Variants in FCAR observed in about 807,000 individuals in gnomAD.
FCAR encodes the protein immunoglobulin alpha Fc receptor.
In FCAR, 21 loss-of-function variants were observed where a neutral mutation model predicts 27.1. That is an observed-to-expected ratio of 0.77 (90% confidence interval 0.55 to 1.11). The LOEUF is 1.11. Among genes scored for constraint, FCAR ranks in the 50% most tolerant of loss-of-function variants. The probability of loss-of-function intolerance (pLI) is 0.00; values close to 1 mark genes in which losing one functional copy is unlikely to be tolerated. For synonymous variants in FCAR, 134 were observed against 135.8 expected, an observed-to-expected ratio of 0.99 and a Z score of 0.09; for missense variants, 404 against 358.4, an observed-to-expected ratio of 1.13 and a Z score of -1.03.
chr19:54,877,785 A>C (rs1361519451), intron 2 of FCAR, among the ~76,000 whole-genome samples: 2 of 152,140 alleles, frequency 1.3e-5, no homozygotes, highest in African/African-American at 2.4e-5. Flanking sequence ...AGATTCTGCT[A>C]TATTTACCCA....
chr19:54,889,632 TTGAA>T lies in FCAR; in HGVS notation c.650-15_650-12del, dbSNP rs779948432. ...ACACAACCACCAACCATTCATCTCC[TTGAA>T]TTGTGTCTCCAGACTCCATCCACCA... On this transcript the variant is annotated splice_polypyrimidine_tract_variant and intron_variant, in intron 4 of 4. Transcript: ENST00000355524. 4 of 1,602,108 alleles carry T rather than the reference TTGAA, an allele frequency of 2.5e-6. No homozygotes were observed. The highest frequency in any genetic ancestry group is 1.1e-5 in the South Asian group (1 of 90,852).
intron 3 of FCAR, among the ~76,000 whole-genome samples, chr19:54,887,146 CA>C (rs1453811385): frequency 6.6e-6 from 1 of 151,878 alleles, no homozygotes; most frequent in East Asian, 1.9e-4. Context: ...CCCATCTGTA[CA>C]AAAAATCAAA....
intron 2 of FCAR, among the ~76,000 whole-genome samples, chr19:54,884,627 A>G (rs1056925357): frequency 9.3e-5 from 14 of 151,118 alleles, no homozygotes; most frequent in African/African-American, 3.4e-4. Context: ...CTGTCTCGAA[A>G]AATAATAACA....
At chr19:54,888,580 C>T (rs2066889179) in intron 4 of FCAR, 4 of 1,141,014 alleles carry the variant, frequency 3.5e-6, no homozygotes, top group Non-Finnish European at 4.4e-6. Context: ...TAGAGTCTTG[C>T]TCTTTCGCCA....
intron 2 of FCAR, among the ~76,000 whole-genome samples, chr19:54,878,781 T>A (rs1048295664): frequency 8.6e-5 from 13 of 150,700 alleles, no homozygotes; most frequent in Non-Finnish European, 1.6e-4. Flanking sequence ...TTCCATTTGC[T>A]TGGTAGATTT....
chr19:54,877,937 A>C (rs2066186654), intron 2 of FCAR, among the ~76,000 whole-genome samples: 1 of 125,568 alleles, frequency 8.0e-6, no homozygotes, highest in Admixed American at 9.0e-5. Flanking sequence ...TTTTTTTGAA[A>C]TGGAGTCTTG....
intron 2 of FCAR, among the ~76,000 whole-genome samples, chr19:54,878,064 C>T (rs1263207655): frequency 2.0e-5 from 3 of 152,046 alleles, no homozygotes; most frequent in East Asian, 1.9e-4. Context: ...TACAGGTGCC[C>T]GCCACCCCGC....
rs779070630 is a variant in FCAR, at chr19:54,885,365, G to C, written c.201G>C (p.Thr67=). ...AGCTGATGATCATAAAAAACTCCAC[G>C]TACCGAGAGATAGGCAGAAGACTGA... The part of the protein sequence containing the change: ...LTQLMIIKNS[T]YREIGRRLKF... The change falls in exon 3 of 5, where the codon ACG becomes ACC. Residue 67 remains threonine, a synonymous_variant. Coordinates refer to ENST00000355524, the MANE Select transcript of FCAR (RefSeq NM_002000.4). 8.1e-6 allele frequency: 13 copies of C among 1,614,030 alleles called. No homozygotes were observed. Among genetic ancestry groups the C allele is most frequent in the Non-Finnish European group, 1.1e-5 (13 of 1,180,012 alleles).
At chr19:54,886,186 T>C (rs1244157942) in intron 3 of FCAR, among the ~76,000 whole-genome samples, 1 of 151,014 alleles carries the variant, frequency 6.6e-6, no homozygotes, top group Admixed American at 6.6e-5. Flanking sequence ...AGGCAGAGGT[T>C]GCAGTGAGCC....
chr19:54,884,066 C>T (rs902502242), intron 2 of FCAR, among the ~76,000 whole-genome samples: 1 of 152,244 alleles, frequency 6.6e-6, no homozygotes. Flanking sequence ...CGTCTGGCTG[C>T]AAGTGGCAGG....
At chr19:54,885,121 A>G (rs587695955) in intron 2 of FCAR, 114 bp from the exon 3 acceptor site, 4 of 969,134 alleles carry the variant, frequency 4.1e-6, no homozygotes, top group Admixed American at 2.9e-5. Flanking sequence ...TTTTTTTTAA[A>G]TAAAGAATGG....
At chr19:54,877,916 A>ATTTTTTTTTTT (rs757104692) in intron 2 of FCAR, among the ~76,000 whole-genome samples, 1 of 143,464 alleles carries the variant, frequency 7.0e-6, no homozygotes, top group Non-Finnish European at 1.5e-5. Flanking sequence ...TTTGCTAAGG[A>ATTTTTTTTTTT]TTGTTTTTTT....
chr19:54,885,552 C>T (rs751741389), intron 3 of FCAR, 27 bp downstream of exon 3: 3 of 1,525,228 alleles, frequency 2.0e-6, no homozygotes, highest in Non-Finnish European at 2.7e-6. Context: ...GGTCCACAGC[C>T]CTGGTGTGAT....
At position 54,891,350 on chromosome 19, in the gene FCAR, C is replaced by G. The variant is rs1435971198; in HGVS notation, c.*1487C>G. On this transcript the variant is annotated 3_prime_UTR_variant, in exon 5 of 5. Transcript: ENST00000355524. ...TTTATCCTTTACTGAGAGCTTATCT[C>G]TACTTGATAAAATTTCTACTGTATT... The G allele has an allele frequency of 6.6e-6, 1 of 152,072 alleles. No homozygotes were observed. The allele number at this position is 152,072 out of a possible 1,614,324, so 9.4% of individuals were successfully genotyped here. A position where few individuals can be genotyped will look rare whatever the true frequency, so the allele number is the denominator to read the frequency against.
At chr19:54,883,935 C>A (rs189387487) in intron 2 of FCAR, among the ~76,000 whole-genome samples, 2 of 152,094 alleles carry the variant, frequency 1.3e-5, no homozygotes, top group African/African-American at 2.4e-5. Context: ...CCAGCCTGGG[C>A]AACAGAGTGA....
chr19:54,888,299 G>C lies in FCAR; in HGVS notation c.649+5G>C, dbSNP rs1252354493. On this transcript the variant is annotated splice_donor_5th_base_variant and intron_variant, in intron 4 of 4. Coordinates refer to ENST00000355524, the MANE Select transcript of FCAR (RefSeq NM_002000.4). ...CCTTGGAGCTTGTGGTCACAGGTAG[G>C]TACCGCCCAGTCCAGCCCTGTGTCT... The C allele has an allele frequency of 6.2e-6, 10 of 1,613,564 alleles. No individual in the cohort carries two copies. The highest frequency in any genetic ancestry group is 8.5e-6 in the Non-Finnish European group (10 of 1,179,760).
rs1421277095 is a variant in FCAR, at chr19:54,882,085, T to A, written c.71-3150T>A. Among the ~76,000 whole-genome samples the A allele has an allele frequency of 2.0e-5, 3 of 152,172 alleles. No homozygotes were observed. In the East Asian group the frequency reaches 5.8e-4, roughly 29 times the overall value. On this transcript the variant is annotated intron_variant, in intron 2 of 4. Transcript: ENST00000355524. The stretch of plus-strand genomic sequence containing the variant: ...CACGAGCCACCACCAGTGAGTGTGC[T>A]GAGGGCGGGGCAGCTGCTCTGCACT...
chr19:54,884,289 G>A lies in FCAR; in HGVS notation c.71-946G>A, dbSNP rs2066581008. On this transcript the variant is annotated intron_variant, in intron 2 of 4. Coordinates refer to ENST00000355524, the MANE Select transcript of FCAR (RefSeq NM_002000.4). The stretch of plus-strand genomic sequence containing the variant: ...GTGGTAACGGCACCCGACTGCTCTG[G>A]GGTCAATGCCTGCGGAGGTCCCCCT... Among the ~76,000 whole-genome samples the A allele has an allele frequency of 3.3e-5, 5 of 152,162 alleles. No individual in the cohort carries two copies. The South Asian group carries it at 1.0e-3, about 32-fold the overall frequency.
chr19:54,886,577 A>G (rs1401071254), intron 3 of FCAR, among the ~76,000 whole-genome samples: 5 of 151,948 alleles, frequency 3.3e-5, no homozygotes, highest in African/African-American at 4.8e-5. Context: ...AAGTGCTGGG[A>G]TTACTGGCGT....
Sources: allele counts gnomAD v4.1 joint callset (sites outside exome capture counted in the v4.1 genomes callset), GRCh38; gene constraint gnomAD v4.1.1; transcripts MANE v1.5; gene names NCBI Gene and HGNC (gene_info 2026-07-23, HGNC 2026-07-21).